The following KLHL29 variants were observed in gnomAD, a reference collection of about 807,000 sequenced individuals.
KLHL29 encodes kelch-like protein 29.
A neutral mutation model predicts 80.4 loss-of-function variants in KLHL29; 21 were observed. That is an observed-to-expected ratio of 0.26 (90% CI 0.19 to 0.38). The LOEUF is 0.38. Among genes scored for constraint, KLHL29 ranks in the 10% least tolerant of loss-of-function variants. The pLI is 1.00. For missense variants in KLHL29, 867 were observed against 1,223.9 expected, an observed-to-expected ratio of 0.71 and a Z score of 4.35; for synonymous variants, 511 against 526.8, an observed-to-expected ratio of 0.97 and a Z score of 0.41.
chr2:23,546,999 A>T (rs971557546), intron 2 of KLHL29, among the ~76,000 whole-genome samples: 2 of 152,206 alleles, frequency 1.3e-5, no homozygotes, highest in African/African-American at 4.8e-5. Context: ...ACAGCCTGCC[A>T]GGGTGTGAAC....
chr2:23,440,353 T>G (rs1441836844), intron 1 of KLHL29, among the ~76,000 whole-genome samples: 1 of 151,678 alleles, frequency 6.6e-6, no homozygotes, highest in African/African-American at 2.4e-5. Flanking sequence ...ACTTAAACAT[T>G]AGACCTAAAA....
At chr2:23,517,309 C>T (rs1572371451) in intron 2 of KLHL29, among the ~76,000 whole-genome samples, 2 of 152,322 alleles carry the variant, frequency 1.3e-5, no homozygotes, top group South Asian at 4.1e-4. Flanking sequence ...CTTTGGGAGG[C>T]CGAGGCGGGT....
At chr2:23,450,946 T>C (rs985169764) in intron 1 of KLHL29, among the ~76,000 whole-genome samples, 17 of 152,228 alleles carry the variant, frequency 1.1e-4, no homozygotes, top group Non-Finnish European at 1.5e-4. Flanking sequence ...TATTGTTTTT[T>C]TCTTTTTCAC....
chr2:23,511,182 C>CT (rs756335101), intron 2 of KLHL29, among the ~76,000 whole-genome samples: 2 of 152,138 alleles, frequency 1.3e-5, no homozygotes, highest in Non-Finnish European at 2.9e-5. Context: ...TTCTGAGACA[C>CT]TGAGTCAAAA....
At chr2:23,473,149 C>G (rs1421542030) in intron 1 of KLHL29, among the ~76,000 whole-genome samples, 1 of 152,188 alleles carries the variant, frequency 6.6e-6, no homozygotes, top group African/African-American at 2.4e-5. Context: ...GAGGGACACC[C>G]TGCTCATGAA....
chr2:23,394,639 GAAT>G (rs1227098472), intron 1 of KLHL29, among the ~76,000 whole-genome samples: 3 of 152,114 alleles, frequency 2.0e-5, no homozygotes, highest in Non-Finnish European at 4.4e-5. Flanking sequence ...TTGCTTATTT[GAAT>G]AAAAAAATCA....
intron 5 of KLHL29, among the ~76,000 whole-genome samples, chr2:23,673,955 G>A (rs1032951817): frequency 7.2e-5 from 11 of 152,130 alleles, no homozygotes; most frequent in Non-Finnish European, 4.4e-5. Context: ...CCACACCAGT[G>A]ACCTTCAGTC....
At position 23,552,268 on chromosome 2, in the gene KLHL29, A is replaced by G. The variant is rs2103490148; in HGVS notation, c.-45-9884A>G. ...AAGGCAGGAGCAGAGCGCAGAAGAA[A>G]CTTCTGGCCATGCTGGCTGTGCGCG... is the stretch of plus-strand genomic sequence containing the variant. On this transcript the variant is annotated intron_variant, in intron 2 of 13. Coordinates refer to ENST00000486442, the MANE Select transcript of KLHL29 (RefSeq NM_052920.2). 2.6e-5 allele frequency among the ~76,000 whole-genome samples: 4 copies of G among 152,236 alleles called. 1 individual carries two copies. The highest frequency in any genetic ancestry group is 2.6e-4 in the Admixed American group (4 of 15,296).
At chr2:23,635,001 T>G (rs1669571605) in intron 3 of KLHL29, among the ~76,000 whole-genome samples, 1 of 152,112 alleles carries the variant, frequency 6.6e-6, no homozygotes, top group South Asian at 2.1e-4. Context: ...GGCAGTGCAT[T>G]AAGTACTGTG....
At chr2:23,610,500 G>A (rs955208973) in intron 3 of KLHL29, among the ~76,000 whole-genome samples, 1 of 152,214 alleles carries the variant, frequency 6.6e-6, no homozygotes, top group African/African-American at 2.4e-5. Flanking sequence ...TAAAGACGTG[G>A]TCATCTCTCC....
intron 12 of KLHL29, 49 bp downstream of exon 12, chr2:23,703,428 C>A: frequency 7.2e-7 from 1 of 1,394,168 alleles, no homozygotes; most frequent in South Asian, 1.5e-5. Context: ...GCATCCCTGC[C>A]TTGCTGATTT....
chr2:23,451,859 T>C (rs1188928613), intron 1 of KLHL29, among the ~76,000 whole-genome samples: 1 of 152,126 alleles, frequency 6.6e-6, no homozygotes, highest in African/African-American at 2.4e-5. Context: ...AAGGAGTTCA[T>C]TTGGCTCATG....
intron 2 of KLHL29, among the ~76,000 whole-genome samples, chr2:23,533,771 C>T (rs998548666): frequency 6.6e-6 from 1 of 152,178 alleles, no homozygotes; most frequent in Non-Finnish European, 1.5e-5. Context: ...CTAGAAGATC[C>T]GCTTGTGGAC....
At position 23,682,271 on chromosome 2, in the gene KLHL29, G is replaced by C. The variant is rs1000397312; in HGVS notation, c.941-2128G>C. ...CACTCCCACCCGCTGAGCGCTCCCTGTGTGCCCGCCACATGCTGTCTCATG... is the reference window on the plus strand; with the variant it reads ...CACTCCCACCCGCTGAGCGCTCCCTCTGTGCCCGCCACATGCTGTCTCATG... On this transcript the variant is annotated intron_variant, in intron 5 of 13. Coordinates refer to ENST00000486442, the MANE Select transcript of KLHL29 (RefSeq NM_052920.2). The surrounding 1 kb of genome is among the most constrained non-coding windows in gnomAD (Gnocchi z 4.1). Among the ~76,000 whole-genome samples, 6 of 151,822 alleles carry C rather than the reference G, an allele frequency of 4.0e-5. No homozygotes were observed. In the South Asian group the frequency reaches 8.3e-4, roughly 21 times the overall value.
At chr2:23,592,203 G>C (rs956477662) in intron 3 of KLHL29, among the ~76,000 whole-genome samples, 1 of 152,228 alleles carries the variant, frequency 6.6e-6, no homozygotes, top group African/African-American at 2.4e-5. Context: ...CATTCACAAA[G>C]GGAGCCAGCC....
chr2:23,500,863 C>A (rs1242647917), intron 2 of KLHL29, among the ~76,000 whole-genome samples: 1 of 152,234 alleles, frequency 6.6e-6, no homozygotes, highest in South Asian at 2.1e-4. Context: ...GTTCAGTTCA[C>A]GAGGTTGCAC....
At chr2:23,556,885 A>T (rs2137901) in intron 2 of KLHL29, among the ~76,000 whole-genome samples, 59,243 of 152,048 alleles carry the variant, frequency 0.39, 13,119 homozygotes, top group Non-Finnish European at 0.49. Flanking sequence ...CCTCTAGAGC[A>T]TTTTCTTCAC....
chr2:23,579,814 C>T (rs2103508380), intron 3 of KLHL29, among the ~76,000 whole-genome samples: 1 of 152,302 alleles, frequency 6.6e-6, no homozygotes, highest in African/African-American at 2.4e-5. Flanking sequence ...ACCTCTGCAC[C>T]CCCGCCCCCA....
chr2:23,504,946 G>A (rs1233239574), intron 2 of KLHL29, among the ~76,000 whole-genome samples: 2 of 152,208 alleles, frequency 1.3e-5, no homozygotes, highest in African/African-American at 4.8e-5. Flanking sequence ...AGCCTCCACG[G>A]GGCAGGCACT....
Sources: allele counts gnomAD v4.1 joint callset (sites outside exome capture counted in the v4.1 genomes callset), GRCh38; gene constraint gnomAD v4.1.1; non-coding constraint Gnocchi (gnomAD v3.1); transcripts MANE v1.5; gene names NCBI Gene and HGNC (gene_info 2026-07-23, HGNC 2026-07-21).